Variants in SLC28A1 observed in about 807,000 individuals in gnomAD.
SLC28A1 encodes solute carrier family 28 member 1.
In SLC28A1, 64 loss-of-function variants were observed where a neutral mutation model predicts 74.8. That is an observed-to-expected ratio of 0.86 (90% CI 0.70 to 1.05). The LOEUF (loss-of-function observed/expected upper bound fraction) is 1.05. Ranked by LOEUF, SLC28A1 falls within the 50% of genes least tolerant of loss-of-function variation. The pLI, the probability that SLC28A1 is intolerant of heterozygous loss-of-function variation, is 0.00. For missense variants in SLC28A1, 828 were observed against 822.8 expected (o/e 1.01, Z -0.08); for synonymous variants, 359 against 335.0 (o/e 1.07, Z -0.78).
chr15:84,934,861 A>G (rs1971694184), intron 13 of SLC28A1, among the ~76,000 whole-genome samples, 165 bp from the exon 14 acceptor site: 1 of 152,144 alleles, frequency 6.6e-6, no homozygotes, highest in Admixed American at 6.6e-5. Context: ...CCTGGATCTT[A>G]TCCCGGTGCT....
rs147714985 is a variant in SLC28A1 at position 84,918,554 on chromosome 15, G to T, written c.826G>T (p.Val276Phe). ...GCCCATCATTGTCTTTTTCAGCTGT[G>T]TCATATCCGTTCTCTACCACGTGGG... ...VLPIIVFFSC[V>F]ISVLYHVGLM... Residue 276 changes from valine to phenylalanine, a missense_variant, in exon 10 of 19, where the codon GTC becomes TTC. This residue lies in a region of SLC28A1 where 767 missense variants were observed against 753.5 expected (regional missense o/e 1.02). Coordinates refer to ENST00000394573, the MANE Select transcript of SLC28A1 (RefSeq NM_004213.5). The T allele has an allele frequency of 1.1e-5, 17 of 1,613,956 alleles. No homozygotes were observed. In the East Asian group the frequency reaches 3.8e-4, roughly 36 times the overall value.
chr15:84,920,435 G>A (rs976306141), intron 10 of SLC28A1, among the ~76,000 whole-genome samples: 17 of 142,118 alleles, frequency 1.2e-4, no homozygotes, highest in Non-Finnish European at 2.6e-4. Flanking sequence ...GACAGAACGA[G>A]GCTCTGTCTT....
At position 84,887,390 on chromosome 15, in the gene SLC28A1, A is replaced by T. The variant is rs930317259; in HGVS notation, c.-16-355A>T. The T allele has an allele frequency of 4.1e-6, 4 of 985,284 alleles. No homozygotes were observed. In the African/African-American group the frequency reaches 7.0e-5, roughly 17 times the overall value. 61.0% of individuals were successfully genotyped at this position (985,284 alleles called of 1,614,324 possible). ...ACAAGGACTTGCCTCTTACAGGTTC[A>T]GATGTGGGTGCAGGCTGGGGTGGTG... On this transcript the variant is annotated intron_variant, in intron 2 of 18. Transcript: ENST00000394573.
chr15:84,918,685 C>T (rs1173598514), intron 10 of SLC28A1, 81 bp downstream of exon 10: 2 of 1,101,648 alleles, frequency 1.8e-6, no homozygotes, highest in Admixed American at 3.4e-5. Context: ...ATGCCTTGCT[C>T]CCAGAGCCCA....
intron 11 of SLC28A1, among the ~76,000 whole-genome samples, chr15:84,922,711 T>C (rs1309451280): frequency 6.6e-6 from 1 of 152,240 alleles, no homozygotes; most frequent in Non-Finnish European, 1.5e-5. Context: ...GTGGCCCACC[T>C]GCCCCCTCTG....
At chr15:84,928,354 A>G (rs1380903784) in intron 12 of SLC28A1, among the ~76,000 whole-genome samples, 2 of 151,632 alleles carry the variant, frequency 1.3e-5, no homozygotes, top group East Asian at 3.9e-4. Context: ...TTTTCTCCAG[A>G]GCAGCTCTCT....
the SLC28A1 span, among the ~76,000 whole-genome samples, chr15:84,965,909 G>T: frequency 2.0e-4 from 29 of 141,728 alleles, no homozygotes; most frequent in African/African-American, 8.6e-4. Flanking sequence ...GGGGAGGGGG[G>T]GGAAATATTA....
At chr15:84,965,905 G>GT in the SLC28A1 span, among the ~76,000 whole-genome samples, 6 of 150,680 alleles carry the variant, frequency 4.0e-5, no homozygotes. Context: ...AGGCGGGGAG[G>GT]GGGGGGAAAT....
At chr15:84,967,914 G>A in the SLC28A1 span, among the ~76,000 whole-genome samples, 4 of 152,270 alleles carry the variant, frequency 2.6e-5, no homozygotes, top group African/African-American at 7.2e-5. Flanking sequence ...CGCACTAGAC[G>A]CACTTCAGAG....
In SLC28A1 at chr15:84,906,573, TCTTC is replaced by T. The variant is rs71135327; in HGVS notation, c.717+971_717+974del. Among the ~76,000 whole-genome samples the T allele has an allele frequency of 8.2e-3, 807 of 97,948 alleles. 17 individuals are homozygous for T. Among genetic ancestry groups the T allele is most frequent in the African/African-American group, 0.02 (551 of 27,788 alleles). The allele number at this position is 97,948 out of a possible 152,430, so 64.3% of individuals were successfully genotyped here. A position where few individuals can be genotyped will look rare whatever the true frequency, so the allele number is the denominator to read the frequency against. Reference sequence around the variant, plus strand: ...CTTTCTTTCTTTCTTTCTCTTTCTTTCTTCCTTCCTTCCTTCCTTCCTTCCTTCC... The same window carrying T: ...CTTTCTTTCTTTCTTTCTCTTTCTTTCTTCCTTCCTTCCTTCCTTCCTTCC... On this transcript the variant is annotated intron_variant, in intron 8 of 18. Coordinates refer to ENST00000394573, the MANE Select transcript of SLC28A1 (RefSeq NM_004213.5).
At chr15:84,903,268 C>A (rs982125681) in intron 6 of SLC28A1, among the ~76,000 whole-genome samples, 2 of 152,248 alleles carry the variant, frequency 1.3e-5, no homozygotes, top group Non-Finnish European at 2.9e-5. Context: ...GTGAATAGAC[C>A]TTGCTTCCAG....
chr15:84,945,637 C>T lies in SLC28A1; in HGVS notation c.*437C>T. The T allele has an allele frequency of 3.9e-6, 1 of 259,350 alleles. No individual in the cohort carries two copies. Among genetic ancestry groups the T allele is most frequent in the Non-Finnish European group, 7.6e-6 (1 of 132,270 alleles). 16.1% of individuals were successfully genotyped at this position (259,350 alleles called of 1,614,324 possible). A position where few individuals can be genotyped will look rare whatever the true frequency, so the allele number is the denominator to read the frequency against. ...TGTGGCTTCCCCTGCTGGGTGGTGT[C>T]ACCTCTTTCTCTGCTTTCAGAGAAA... On this transcript the variant is annotated 3_prime_UTR_variant, in exon 19 of 19. Coordinates refer to ENST00000394573, the MANE Select transcript of SLC28A1 (RefSeq NM_004213.5).
intron 9 of SLC28A1, among the ~76,000 whole-genome samples, chr15:84,909,627 A>C (rs1967835612): frequency 6.6e-6 from 1 of 152,120 alleles, no homozygotes; most frequent in Non-Finnish European, 1.5e-5. Context: ...TAAGAACTCT[A>C]GTGTAGCCCT....
intron 11 of SLC28A1, among the ~76,000 whole-genome samples, chr15:84,921,326 T>A (rs1329147135): frequency 6.6e-6 from 1 of 152,106 alleles, no homozygotes; most frequent in Non-Finnish European, 1.5e-5. Context: ...TCACAAATCC[T>A]CCAGATGGAT....
In SLC28A1 at chr15:84,908,741, T is replaced by C. The variant is rs1248284592; in HGVS notation, c.741T>C (p.Ala247=). The change falls in exon 9 of 19, where the codon GCT becomes GCC. Residue 247 remains alanine (A), a synonymous_variant. Transcript: ENST00000394573. The part of the protein sequence containing the change: ...QIRIFLSYTK[A]GSSFVFGEAL... ...AGATCTTCCTGAGCTACACGAAGGC[T>C]GGCTCCAGCTTCGTGTTTGGGGAGG... is the stretch of plus-strand genomic sequence containing the variant. 1.9e-6 allele frequency: 3 copies of C among 1,614,030 alleles called. No homozygotes were observed. Among genetic ancestry groups the C allele is most frequent in the East Asian group, 2.2e-5 (1 of 44,870 alleles).
chr15:84,889,697 C>CTTCCTTCCTTCCTTCT (rs1567113865), intron 4 of SLC28A1, among the ~76,000 whole-genome samples: 29 of 41,240 alleles, frequency 7.0e-4, no homozygotes, highest in Non-Finnish European at 1.3e-3. Flanking sequence ...TCCTTCTTTC[C>CTTCCTTCCTTCCTTCT]TTCCTTCCTT....
At position 84,945,128 on chromosome 15, in the gene SLC28A1, C is replaced by T; in HGVS notation, c.1878C>T (p.Val626=). ...YQCCREAFQS[V]NPEFSPEALD... ...GCGATCTTTGCTTTCTTTTTAGCGT[C>T]AATCCAGAGTTCAGCCCAGAGGCCC... Residue 626 remains valine, a synonymous_variant, in exon 19 of 19, where the codon GTC becomes GTT. Coordinates refer to ENST00000394573, the MANE Select transcript of SLC28A1 (RefSeq NM_004213.5). The T allele has an allele frequency of 6.2e-7, 1 of 1,614,022 alleles. No individual in the cohort carries two copies. The highest frequency in any genetic ancestry group is 8.5e-7 in the Non-Finnish European group (1 of 1,179,974).
intron 2 of SLC28A1, chr15:84,887,358 A>G (rs1267037574): frequency 2.0e-6 from 2 of 985,410 alleles, no homozygotes; most frequent in Non-Finnish European, 2.4e-6. Context: ...TGGAACTCCC[A>G]GAGTTCACAA....
At chr15:84,906,500 GT>G (rs1457217781) in intron 8 of SLC28A1, among the ~76,000 whole-genome samples, 67 of 4,550 alleles carry the variant, frequency 0.015, 1 homozygote, top group Non-Finnish European at 0.023. Flanking sequence ...TTAAAACATG[GT>G]TTGTTTGTTT....
Sources: gnomAD v4.1 joint callset for allele counts (sites outside exome capture counted in the v4.1 genomes callset) on GRCh38, gnomAD v4.1.1 for gene constraint, gnomAD v4.1.1 regional missense constraint, MANE v1.5 for transcripts, NCBI Gene and HGNC (gene_info 2026-07-23, HGNC 2026-07-21) for gene names.